LUC7L2: variants seen among roughly 807,000 people sequenced by gnomAD.
The protein encoded by LUC7L2 is putative RNA-binding protein Luc7-like 2.
LUC7L2 carries 25 observed loss-of-function variants against 52.8 expected under a neutral mutation model. The observed-to-expected ratio is 0.47, with a 90% CI of 0.34 to 0.66. The LOEUF is 0.66. Ranked by LOEUF, LUC7L2 falls within the 30% of genes least tolerant of loss-of-function variation. LUC7L2 has a pLI of 0.01. For synonymous variants in LUC7L2, 144 were observed against 160.9 expected, an observed-to-expected ratio of 0.89 and a Z score of 0.80; for missense variants, 328 against 497.8, an observed-to-expected ratio of 0.66 and a Z score of 3.25.
At chr7:139,358,825 C>G (rs1306576070), upstream of LUC7L2, among the ~76,000 whole-genome samples, 2 of 152,030 alleles carry the variant, frequency 1.3e-5, no homozygotes, top group African/African-American at 4.8e-5. Flanking sequence ...GCTGGGGAGG[C>G]GCCCGCCATC....
At chr7:139,397,400 CTTG>C (rs1029349463) in intron 2 of LUC7L2, among the ~76,000 whole-genome samples, 4 of 152,146 alleles carry the variant, frequency 2.6e-5, no homozygotes, top group African/African-American at 9.7e-5. Context: ...AGACATGATT[CTTG>C]TTATTTGTTT....
intron 2 of LUC7L2, among the ~76,000 whole-genome samples, chr7:139,386,672 C>G (rs1010455549): frequency 1.3e-5 from 2 of 152,048 alleles, no homozygotes; most frequent in Admixed American, 1.3e-4. Flanking sequence ...TCCCAAAGTG[C>G]TGGGATTACA....
intron 3 of LUC7L2, among the ~76,000 whole-genome samples, chr7:139,399,311 G>T (rs571914664): frequency 6.6e-6 from 1 of 151,958 alleles, no homozygotes; most frequent in Admixed American, 6.6e-5. Context: ...GTATATGGGA[G>T]GATGTGTACT....
At chr7:139,363,819 C>A (rs1366378843) in intron 1 of LUC7L2, among the ~76,000 whole-genome samples, 1 of 152,066 alleles carries the variant, frequency 6.6e-6, no homozygotes, top group Non-Finnish European at 1.5e-5. Context: ...GTGATTTTTG[C>A]TCAGTTGGAT....
chr7:139,387,843 C>T (rs952667171), intron 2 of LUC7L2, among the ~76,000 whole-genome samples: 1 of 152,078 alleles, frequency 6.6e-6, no homozygotes, highest in Non-Finnish European at 1.5e-5. Context: ...GCCTGAAACT[C>T]CTGGCCTCAA....
At chr7:139,371,431 T>C (rs1236627951) in intron 1 of LUC7L2, 4 of 1,508,662 alleles carry the variant, frequency 2.7e-6, no homozygotes, top group Non-Finnish European at 3.6e-6. Flanking sequence ...CACTCACAGC[T>C]TAAAAAAATA....
rs952590195 is a variant in LUC7L2 at position 139,423,426 on chromosome 7, A to G, written c.*1086A>G. 11 of 398,756 alleles carry G rather than the reference A, an allele frequency of 2.8e-5. No individual in the cohort carries two copies. The highest frequency in any genetic ancestry group is 4.4e-5 in the Non-Finnish European group (10 of 226,052). The allele number at this position is 398,756 out of a possible 1,614,324, so 24.7% of individuals were successfully genotyped here. A position where few individuals can be genotyped will look rare whatever the true frequency, so the allele number is the denominator to read the frequency against. On this transcript the variant is annotated 3_prime_UTR_variant, in exon 10 of 10. Transcript: ENST00000354926. Reference sequence around the variant, plus strand: ...GGGTGTTTTTATTCTCATTCAACAAACCCAAATAAAAACAGTATATGTAAC... The same window carrying G: ...GGGTGTTTTTATTCTCATTCAACAAGCCCAAATAAAAACAGTATATGTAAC...
At chr7:139,341,435 G>C (rs746933781) in intron 1 of LUC7L2, 1 of 1,613,628 alleles carries the variant, frequency 6.2e-7, no homozygotes, top group African/African-American at 1.3e-5. Flanking sequence ...TTCTGCGGGA[G>C]TTGCGCTACC....
At chr7:139,350,832 A>G (rs1370019432) in intron 1 of LUC7L2, among the ~76,000 whole-genome samples, 2 of 151,760 alleles carry the variant, frequency 1.3e-5, no homozygotes, top group Middle Eastern at 3.4e-3. Flanking sequence ...GCCCGCCACA[A>G]CGCCTGGCTA....
intron 1 of LUC7L2, among the ~76,000 whole-genome samples, chr7:139,351,340 A>G (rs1799452471): frequency 6.6e-6 from 1 of 152,254 alleles, no homozygotes; most frequent in Non-Finnish European, 1.5e-5. Flanking sequence ...CCCTGAAGCC[A>G]GAAATCTAAG....
intron 3 of LUC7L2, among the ~76,000 whole-genome samples, chr7:139,399,748 C>T (rs1013241641): frequency 2.0e-5 from 3 of 151,874 alleles, no homozygotes; most frequent in African/African-American, 7.3e-5. Flanking sequence ...GGATTACAGG[C>T]GTGAGCCACG....
At chr7:139,418,986 C>T (rs1795755732) in intron 9 of LUC7L2, among the ~76,000 whole-genome samples, 1 of 152,084 alleles carries the variant, frequency 6.6e-6, no homozygotes, top group Non-Finnish European at 1.5e-5. Context: ...TGGCACATGC[C>T]TGTAATCCCA....
chr7:139,375,212 T>G, intron 1 of LUC7L2: 5 of 984,890 alleles, frequency 5.1e-6, no homozygotes, highest in Non-Finnish European at 6.0e-6. Flanking sequence ...TTTCTTTTTC[T>G]TAGATTCTTT....
chr7:139,349,567 T>C (rs771955733), intron 1 of LUC7L2, among the ~76,000 whole-genome samples: 1 of 152,020 alleles, frequency 6.6e-6, no homozygotes, highest in Non-Finnish European at 1.5e-5. Flanking sequence ...GATAAGTGAT[T>C]TACTTCATTT....
chr7:139,341,132 C>G (rs980919842), intron 1 of LUC7L2: 2 of 445,854 alleles, frequency 4.5e-6, no homozygotes, highest in Non-Finnish European at 7.3e-6. Flanking sequence ...CCTGTTTCCC[C>G]AAACCCTTGT....
chr7:139,391,442 TTAC>T (rs148516396), intron 2 of LUC7L2, among the ~76,000 whole-genome samples: 206 of 152,370 alleles, frequency 1.4e-3, no homozygotes, highest in African/African-American at 4.8e-3. Context: ...CATTAACATA[TTAC>T]TACTATTAAT....
chr7:139,419,670 C>T (rs1436891065), intron 9 of LUC7L2, among the ~76,000 whole-genome samples: 1 of 152,172 alleles, frequency 6.6e-6, no homozygotes, highest in Non-Finnish European at 1.5e-5. Context: ...GTGAAGTCCC[C>T]TAATCTGAGA....
At chr7:139,376,224 T>C in intron 2 of LUC7L2, 68 bp downstream of exon 2, 1 of 1,511,998 alleles carries the variant, frequency 6.6e-7, no homozygotes, top group South Asian at 1.2e-5. Context: ...TGATAAAGTC[T>C]TAATTCTGTG....
chr7:139,411,267 G>A lies in LUC7L2; in HGVS notation c.780-1284G>A, dbSNP rs555182763. Among the ~76,000 whole-genome samples, 8 of 152,184 alleles carry A rather than the reference G, an allele frequency of 5.3e-5. No homozygotes were observed. The South Asian group carries it at 8.3e-4, about 16-fold the overall frequency. ...ATTTCAGAAACATTAAAAAAAAGTC[G>A]TTGAATCTGTGAGCTTAAAGAAATA... On this transcript the variant is annotated intron_variant, in intron 7 of 9. Coordinates refer to ENST00000354926, the MANE Select transcript of LUC7L2 (RefSeq NM_016019.5).
Sources: allele counts gnomAD v4.1 joint callset (sites outside exome capture counted in the v4.1 genomes callset), GRCh38; gene constraint gnomAD v4.1.1; transcripts MANE v1.5; gene names NCBI Gene and HGNC (gene_info 2026-07-23, HGNC 2026-07-21).